Variants in COL23A1 observed in about 807,000 individuals in gnomAD.
COL23A1 encodes collagen alpha-1(XXIII) chain.
Under a neutral mutation model 99.3 loss-of-function variants are expected in COL23A1, and 97 were observed. The ratio of observed to expected loss-of-function variants is 0.98; its 90% CI spans 0.83 to 1.16. The LOEUF (loss-of-function observed/expected upper bound fraction) is 1.16, where lower values mean the gene tolerates loss of function less well. Ranked by LOEUF, COL23A1 falls within the 50% of genes most tolerant of loss-of-function variation. COL23A1 has a pLI of 0.00. For synonymous variants in COL23A1, 320 were observed against 308.2 expected (o/e 1.04, Z -0.40); for missense variants, 762 against 757.4 (o/e 1.01, Z -0.07).
intron 2 of COL23A1, among the ~76,000 whole-genome samples, chr5:178,482,035 A>AG (rs1554181978): frequency 1.3e-5 from 2 of 150,592 alleles, no homozygotes; most frequent in Non-Finnish European, 3.0e-5. Context: ...AAAAAAAAAA[A>AG]GGCGCAGCTG....
At chr5:178,391,588 G>T (rs2127752622) in intron 2 of COL23A1, among the ~76,000 whole-genome samples, 1 of 152,226 alleles carries the variant, frequency 6.6e-6, no homozygotes, top group Middle Eastern at 3.4e-3. Flanking sequence ...CAAAAATGTT[G>T]GTGAGGATGG....
intron 2 of COL23A1, among the ~76,000 whole-genome samples, chr5:178,370,218 G>A (rs369936270): frequency 6.6e-6 from 1 of 152,224 alleles, no homozygotes; most frequent in East Asian, 1.9e-4. Flanking sequence ...GCTGGGGAGA[G>A]TGCAAAGCCA....
rs1467627366 is a variant in COL23A1, at chr5:178,281,657, T to C, written c.441+6667A>G. ...CCAGCAAATTAGTGCAACCGCCTCC[T>C]ACCCGCACCCCTTCCTCCAGTTTCT... On this transcript the variant is annotated intron_variant, in intron 5 of 28. Coordinates refer to ENST00000390654, the MANE Select transcript of COL23A1 (RefSeq NM_173465.4). The surrounding 1 kb of genome is among the most constrained non-coding windows in gnomAD (Gnocchi z 4.0). 6.6e-6 allele frequency among the ~76,000 whole-genome samples: 1 copy of C among 152,216 alleles called. No individual in the cohort carries two copies. Among genetic ancestry groups the C allele is most frequent in the Admixed American group, 6.5e-5 (1 of 15,280 alleles).
intron 2 of COL23A1, among the ~76,000 whole-genome samples, chr5:178,519,310 T>C (rs1562047906): frequency 1.3e-5 from 2 of 152,228 alleles, no homozygotes; most frequent in African/African-American, 2.4e-5. Flanking sequence ...CTGTCTACCT[T>C]CACAGGCCAT....
chr5:178,547,217 C>G (rs759247169), intron 2 of COL23A1, among the ~76,000 whole-genome samples: 2 of 152,026 alleles, frequency 1.3e-5, no homozygotes, highest in Admixed American at 1.3e-4. Context: ...ACGCCAGCAC[C>G]GAGCTAAATG....
chr5:178,475,696 G>A (rs891099039), intron 2 of COL23A1, among the ~76,000 whole-genome samples: 1 of 152,158 alleles, frequency 6.6e-6, no homozygotes, highest in Non-Finnish European at 1.5e-5. Flanking sequence ...GTCACACGAG[G>A]CTGAGATCTT....
intron 2 of COL23A1, among the ~76,000 whole-genome samples, chr5:178,453,014 T>G (rs1045083690): frequency 1.3e-5 from 2 of 152,136 alleles, no homozygotes; most frequent in African/African-American, 4.8e-5. Flanking sequence ...GGAATGCCCA[T>G]GAGCAGAGGT....
At chr5:178,254,576 C>G (rs914898917) in intron 16 of COL23A1, among the ~76,000 whole-genome samples, 2 of 152,198 alleles carry the variant, frequency 1.3e-5, no homozygotes, top group Admixed American at 6.5e-5. Context: ...GCTTGCCACT[C>G]TCATCCTCCC....
chr5:178,517,578 T>TTTTTTTTTTTTTTTG, intron 2 of COL23A1, among the ~76,000 whole-genome samples: 1 of 145,114 alleles, frequency 6.9e-6, no homozygotes, highest in South Asian at 2.3e-4. Context: ...GTTTTTTTTT[T>TTTTTTTTTTTTTTTG]TGAGATGGAG....
chr5:178,496,081 G>T (rs1003560961), intron 2 of COL23A1, among the ~76,000 whole-genome samples: 1 of 152,084 alleles, frequency 6.6e-6, no homozygotes, highest in Non-Finnish European at 1.5e-5. Flanking sequence ...CTGAATCAAC[G>T]CATGGGACAG....
chr5:178,357,778 ATGTG>A (rs1554144847), intron 2 of COL23A1, among the ~76,000 whole-genome samples: 1 of 137,370 alleles, frequency 7.3e-6, no homozygotes, highest in Non-Finnish European at 1.6e-5. Flanking sequence ...GTATGTGTGT[ATGTG>A]TATGTGTGTG....
chr5:178,505,623 G>C (rs563602498), intron 2 of COL23A1, among the ~76,000 whole-genome samples: 1 of 152,142 alleles, frequency 6.6e-6, no homozygotes, highest in Non-Finnish European at 1.5e-5. Context: ...ATGTTAACTT[G>C]ATCATGTGCA....
At chr5:178,296,456 G>C (rs1003021021) in intron 3 of COL23A1, among the ~76,000 whole-genome samples, 1 of 152,224 alleles carries the variant, frequency 6.6e-6, no homozygotes, top group African/African-American at 2.4e-5. Context: ...CTGGGGCAGA[G>C]AGAGGTGAGA....
intron 1 of COL23A1, among the ~76,000 whole-genome samples, chr5:178,576,820 A>G (rs1392369025): frequency 6.6e-6 from 1 of 151,814 alleles, no homozygotes; most frequent in East Asian, 2.0e-4. Context: ...CTCCGCCTCC[A>G]GCGCGGGCCT....
Position 178,415,244 on chromosome 5 carries a change from TG to T in COL23A1, c.362-108326del, listed in dbSNP as rs1765243267. Among the ~76,000 whole-genome samples, 1 of 152,168 alleles carries T rather than the reference TG, an allele frequency of 6.6e-6. No homozygotes were observed. Among genetic ancestry groups the T allele is most frequent in the Admixed American group, 6.5e-5 (1 of 15,284 alleles). On this transcript the variant is annotated intron_variant, in intron 2 of 28. Coordinates refer to ENST00000390654, the MANE Select transcript of COL23A1 (RefSeq NM_173465.4). This position sits in a 1 kb window ranked among gnomAD's most constrained non-coding sequence, Gnocchi z 4.6. ...ACTCTTTTCTCCAGTGGGGTCCACA[TG>T]GTGCCAGTTACAGTGCTCAGTGGGG...
At chr5:178,341,790 C>T (rs897266644) in intron 2 of COL23A1, among the ~76,000 whole-genome samples, 1 of 152,042 alleles carries the variant, frequency 6.6e-6, no homozygotes, top group Admixed American at 6.5e-5. Flanking sequence ...CAGCAGCAGC[C>T]GGCACCCCGC....
intron 2 of COL23A1, among the ~76,000 whole-genome samples, chr5:178,440,234 CA>C (rs1324911225): frequency 1.3e-5 from 2 of 152,182 alleles, no homozygotes; most frequent in African/African-American, 4.8e-5. Context: ...TCTTGCTGGA[CA>C]CCCAATGTGC....
At chr5:178,390,570 A>G (rs902284989) in intron 2 of COL23A1, among the ~76,000 whole-genome samples, 2 of 152,268 alleles carry the variant, frequency 1.3e-5, no homozygotes, top group Admixed American at 6.5e-5. Flanking sequence ...TCCCAGTGCC[A>G]TCTGTGGGCA....
chr5:178,404,614 G>C (rs537134689), intron 2 of COL23A1, among the ~76,000 whole-genome samples: 2 of 100,230 alleles, frequency 2.0e-5, no homozygotes, highest in East Asian at 1.6e-3. Context: ...GATCCCTGCC[G>C]CACATAGTGG....
Sources: gnomAD v4.1 joint callset for allele counts (sites outside exome capture counted in the v4.1 genomes callset) on GRCh38, gnomAD v4.1.1 for gene constraint, Gnocchi (gnomAD v3.1) non-coding constraint, MANE v1.5 for transcripts, NCBI Gene and HGNC (gene_info 2026-07-23, HGNC 2026-07-21) for gene names.